The following MEI4 variants were observed in gnomAD, a reference collection of about 807,000 sequenced individuals.
The protein encoded by MEI4 is meiosis-specific protein MEI4.
Under a neutral mutation model 31.4 loss-of-function variants are expected in MEI4, and 27 were observed. The ratio of observed to expected loss-of-function variants is 0.86; its 90% CI spans 0.63 to 1.19. The LOEUF (loss-of-function observed/expected upper bound fraction) is 1.19, where lower values mean the gene tolerates loss of function less well. Among genes scored for constraint, MEI4 ranks in the 50% most tolerant of loss-of-function variants. MEI4 has a pLI of 0.00. For synonymous variants in MEI4, 122 were observed against 145.4 expected, an observed-to-expected ratio of 0.84 and a Z score of 1.16; for missense variants, 329 against 398.9, an observed-to-expected ratio of 0.82 and a Z score of 1.49.
intron 3 of MEI4, among the ~76,000 whole-genome samples, chr6:77,784,077 C>T (rs1374031740): frequency 6.6e-6 from 1 of 152,026 alleles, no homozygotes; most frequent in East Asian, 1.9e-4. Flanking sequence ...AATCTTTAGC[C>T]TATTTTTTAA....
chr6:77,750,268 C>T (rs976655617), intron 2 of MEI4, among the ~76,000 whole-genome samples: 6 of 152,124 alleles, frequency 3.9e-5, no homozygotes, highest in African/African-American at 1.2e-4. Flanking sequence ...TCACACATAA[C>T]AATAGTAACC....
At chr6:77,830,453 A>T (rs1395364439) in intron 4 of MEI4, among the ~76,000 whole-genome samples, 1 of 152,106 alleles carries the variant, frequency 6.6e-6, no homozygotes, top group Non-Finnish European at 1.5e-5. Context: ...AAAACATTAG[A>T]GTGGTGAAGT....
intron 3 of MEI4, among the ~76,000 whole-genome samples, chr6:77,827,177 G>C (rs575705051): frequency 2.0e-5 from 3 of 151,678 alleles, no homozygotes; most frequent in Non-Finnish European, 4.4e-5. Context: ...TGGCTAACAC[G>C]GTGAAACCCT....
intron 4 of MEI4, among the ~76,000 whole-genome samples, chr6:77,919,499 G>C (rs1398153288): frequency 6.6e-6 from 1 of 151,960 alleles, no homozygotes; most frequent in Non-Finnish European, 1.5e-5. Context: ...ATTCAAAGCA[G>C]TGTGTAGAGG....
chr6:77,678,921 AG>A (rs1768899450), intron 1 of MEI4, among the ~76,000 whole-genome samples: 1 of 151,846 alleles, frequency 6.6e-6, no homozygotes, highest in Non-Finnish European at 1.5e-5. Flanking sequence ...ATTATGTCTT[AG>A]TTTTTAACAA....
intron 2 of MEI4, among the ~76,000 whole-genome samples, chr6:77,696,682 G>A (rs537949799): frequency 6.6e-6 from 1 of 151,554 alleles, no homozygotes; most frequent in Non-Finnish European, 1.5e-5. Flanking sequence ...TTTTATTGAG[G>A]ATTTTTGCAT....
rs1220251759 is a variant in MEI4, at chr6:77,680,115, CA to C, written c.-14-10529del. ...TGAAACCCCGTCCCTACTAAAAATA[CA>C]AAAAAAAAAAAAATTAGCTGGGCGT... is the stretch of plus-strand genomic sequence containing the variant. On this transcript the variant is annotated intron_variant, in intron 1 of 4. Coordinates refer to ENST00000684080, the MANE Select transcript of MEI4 (RefSeq NM_001322247.2). Among the ~76,000 whole-genome samples, 65 of 39,744 alleles carry C rather than the reference CA, an allele frequency of 1.6e-3. 4 individuals carry two copies. Among genetic ancestry groups the C allele is most frequent in the Admixed American group, 2.0e-3 (5 of 2,564 alleles). The allele number at this position is 39,744 out of a possible 152,430, so 26.1% of individuals were successfully genotyped here. A position where few individuals can be genotyped will look rare whatever the true frequency, so the allele number is the denominator to read the frequency against.
rs1300096860 is a variant in MEI4, at chr6:77,925,399, A to G, written c.*2053A>G. On this transcript the variant is annotated 3_prime_UTR_variant, in exon 5 of 5. Coordinates refer to ENST00000684080, the MANE Select transcript of MEI4 (RefSeq NM_001322247.2). ...TTAATTATCCTGGGTTTCAGTCTAT[A>G]TCAGAGTGAATGGTGTAGTAAATTA... is the stretch of plus-strand genomic sequence containing the variant. 1 of 151,828 alleles carries G rather than the reference A, an allele frequency of 6.6e-6. No individual in the cohort carries two copies. The highest frequency in any genetic ancestry group is 1.5e-5 in the Non-Finnish European group (1 of 67,886). The allele number at this position is 151,828 out of a possible 1,614,324, so 9.4% of individuals were successfully genotyped here. A position where few individuals can be genotyped will look rare whatever the true frequency, so the allele number is the denominator to read the frequency against.
At chr6:77,729,557 CT>C (rs1766917292) in intron 2 of MEI4, among the ~76,000 whole-genome samples, 1 of 152,124 alleles carries the variant, frequency 6.6e-6, no homozygotes, top group Admixed American at 6.6e-5. Context: ...ATTATGATGA[CT>C]TAGTGGCCAC....
rs114836275 is a variant in MEI4 at position 77,780,139 on chromosome 6, A to G, written c.768+18474A>G. Among the ~76,000 whole-genome samples the G allele has an allele frequency of 4.5e-3, 680 of 152,296 alleles. 3 individuals are homozygous for G. Among genetic ancestry groups the G allele is most frequent in the African/African-American group, 0.014 (566 of 41,564 alleles). ...GGGAAAAATTATAAAGTTATAGGAA[A>G]TAGACACAAATCTTTTTGGAAGGCT... is the stretch of plus-strand genomic sequence containing the variant. On this transcript the variant is annotated intron_variant, in intron 3 of 4. Transcript: ENST00000684080.
At chr6:77,700,349 G>C (rs564515546) in intron 2 of MEI4, among the ~76,000 whole-genome samples, 9 of 152,272 alleles carry the variant, frequency 5.9e-5, no homozygotes, top group South Asian at 2.1e-4. Context: ...TGACACTGCT[G>C]TGCTAGCAAT....
chr6:77,704,739 A>AT (rs1032149716), intron 2 of MEI4, among the ~76,000 whole-genome samples: 1 of 152,166 alleles, frequency 6.6e-6, no homozygotes, highest in Admixed American at 6.5e-5. Context: ...TAATAAAAAA[A>AT]TTTTACCAGA....
At chr6:77,757,773 C>G (rs943622360) in intron 2 of MEI4, among the ~76,000 whole-genome samples, 1 of 152,000 alleles carries the variant, frequency 6.6e-6, no homozygotes, top group African/African-American at 2.4e-5. Flanking sequence ...TCCGTATTTC[C>G]CCTTTATTTA....
At chr6:77,679,126 G>A (rs1768903581) in intron 1 of MEI4, among the ~76,000 whole-genome samples, 1 of 152,080 alleles carries the variant, frequency 6.6e-6, no homozygotes. Context: ...AGTAAGCTAA[G>A]GCTAATTTAT....
intron 2 of MEI4, among the ~76,000 whole-genome samples, chr6:77,752,658 A>G (rs1381986576): frequency 2.0e-5 from 3 of 152,242 alleles, no homozygotes; most frequent in African/African-American, 4.8e-5. Flanking sequence ...AGGAAGAATC[A>G]TATCACAAAA....
chr6:77,891,776 GGAAA>G (rs1332995815), intron 4 of MEI4, among the ~76,000 whole-genome samples: 1 of 152,106 alleles, frequency 6.6e-6, no homozygotes, highest in Non-Finnish European at 1.5e-5. Context: ...ATTTTCATAG[GGAAA>G]GACTTTTTTA....
intron 4 of MEI4, among the ~76,000 whole-genome samples, chr6:77,873,553 C>T (rs921498917): frequency 2.6e-5 from 4 of 152,072 alleles, no homozygotes; most frequent in Non-Finnish European, 2.9e-5. Flanking sequence ...ATTCTGTAGG[C>T]TGCCTGTTCA....
chr6:77,683,252 ATTAAT>A (rs1446754220), intron 1 of MEI4, among the ~76,000 whole-genome samples: 2 of 152,018 alleles, frequency 1.3e-5, no homozygotes, highest in Non-Finnish European at 2.9e-5. Context: ...TTCTTTGTTT[ATTAAT>A]TTATTTTTCC....
At chr6:77,850,600 T>A (rs1770593084) in intron 4 of MEI4, among the ~76,000 whole-genome samples, 1 of 152,226 alleles carries the variant, frequency 6.6e-6, no homozygotes, top group Admixed American at 6.5e-5. Context: ...AAGCTGAAAC[T>A]GGATCTTTTC....
Sources: gnomAD v4.1 joint callset for allele counts (sites outside exome capture counted in the v4.1 genomes callset) on GRCh38, gnomAD v4.1.1 for gene constraint, MANE v1.5 for transcripts, NCBI Gene and HGNC (gene_info 2026-07-23, HGNC 2026-07-21) for gene names.